PPM1H: variants seen among roughly 807,000 people sequenced by gnomAD.
PPM1H encodes the protein protein phosphatase 1H.
In PPM1H, 27 loss-of-function variants were observed where a neutral mutation model predicts 54.9. The ratio of observed to expected loss-of-function variants is 0.49; its 90% CI spans 0.36 to 0.68. The LOEUF is 0.68. Among genes scored for constraint, PPM1H ranks in the 30% least tolerant of loss-of-function variants. The probability of loss-of-function intolerance (pLI) is 0.00; values close to 1 mark genes in which losing one functional copy is unlikely to be tolerated. For synonymous variants in PPM1H, 305 were observed against 270.8 expected (o/e 1.13, Z -1.24); for missense variants, 596 against 667.8 (o/e 0.89, Z 1.19).
In PPM1H at chr12:62,722,665, A is replaced by T. The variant is rs556538118; in HGVS notation, c.955-2376T>A. 2.8e-4 allele frequency among the ~76,000 whole-genome samples: 43 copies of T among 152,362 alleles called. 1 individual carries two copies. Among genetic ancestry groups the T allele is most frequent in the African/African-American group, 9.9e-4 (41 of 41,578 alleles). ...ACAGAGCCACACACAGTATGGGCAC[A>T]AAAATGTCTCTGACATTATTTATAA... On this transcript the variant is annotated intron_variant, in intron 5 of 9. Coordinates refer to ENST00000228705, the MANE Select transcript of PPM1H (RefSeq NM_020700.2).
At chr12:62,892,568 C>T (rs772790304) in intron 1 of PPM1H, among the ~76,000 whole-genome samples, 2 of 152,170 alleles carry the variant, frequency 1.3e-5, no homozygotes, top group Non-Finnish European at 1.5e-5. Context: ...TAACTTTCTA[C>T]ACATATAAAC....
At chr12:62,855,498 G>A (rs10747970) in intron 1 of PPM1H, among the ~76,000 whole-genome samples, 39,912 of 152,034 alleles carry the variant, frequency 0.26, 5,606 homozygotes, top group East Asian at 0.48. Flanking sequence ...TGAACACTGC[G>A]GTGCCAAAAG....
chr12:62,648,860 T>C (rs1009523237), intron 9 of PPM1H, among the ~76,000 whole-genome samples: 3 of 152,260 alleles, frequency 2.0e-5, no homozygotes, highest in Non-Finnish European at 4.4e-5. Context: ...CATTAGATAA[T>C]GTCTTACATT....
intron 8 of PPM1H, among the ~76,000 whole-genome samples, chr12:62,676,880 T>A (rs943304360): frequency 6.6e-6 from 1 of 152,062 alleles, no homozygotes; most frequent in Non-Finnish European, 1.5e-5. Context: ...TAAAGCAGCA[T>A]CTTCAAGCCA....
intron 4 of PPM1H, among the ~76,000 whole-genome samples, chr12:62,768,023 G>A (rs1443210280): frequency 6.6e-6 from 1 of 152,166 alleles, no homozygotes; most frequent in Non-Finnish European, 1.5e-5. Context: ...TCCAAGTAAG[G>A]TCCCTTTCAC....
In PPM1H at chr12:62,648,348, G is replaced by A. The variant is rs1052490215; in HGVS notation, c.*141C>T. On this transcript the variant is annotated 3_prime_UTR_variant, in exon 10 of 10. Transcript: ENST00000228705. ...AACCAAAGGGTCATCTTGAAGCATAGTCTTTTGGCCATGAACTCCCCGCTT... is the reference window on the plus strand; with the variant it reads ...AACCAAAGGGTCATCTTGAAGCATAATCTTTTGGCCATGAACTCCCCGCTT... The A allele has an allele frequency of 9.6e-7, 1 of 1,043,678 alleles. No individual in the cohort carries two copies. The highest frequency in any genetic ancestry group is 1.4e-6 in the Non-Finnish European group (1 of 720,560). The allele number at this position is 1,043,678 out of a possible 1,614,324, so 64.7% of individuals were successfully genotyped here. A position where few individuals can be genotyped will look rare whatever the true frequency, so the allele number is the denominator to read the frequency against.
chr12:62,832,656 G>A (rs1868386384), intron 1 of PPM1H, among the ~76,000 whole-genome samples: 1 of 152,052 alleles, frequency 6.6e-6, no homozygotes, highest in African/African-American at 2.4e-5. Flanking sequence ...AGGGAATTCT[G>A]TTTCACTTCT....
rs774539494 is a variant in PPM1H at position 62,888,945 on chromosome 12, TC to T, written c.245+45546del. 1.4e-4 allele frequency among the ~76,000 whole-genome samples: 22 copies of T among 152,268 alleles called. 1 individual carries two copies. The South Asian group carries it at 2.3e-3, about 16-fold the overall frequency. On this transcript the variant is annotated intron_variant, in intron 1 of 9. Coordinates refer to ENST00000228705, the MANE Select transcript of PPM1H (RefSeq NM_020700.2). ...CATTCTTTAACACTAATGTGGAACTTCAAAAAGTTGCGTATGACATAAAGGA... is the reference window on the plus strand; with the variant it reads ...CATTCTTTAACACTAATGTGGAACTTAAAAAGTTGCGTATGACATAAAGGA...
chr12:62,900,550 T>TA (rs1334835318), intron 1 of PPM1H, among the ~76,000 whole-genome samples: 1 of 131,116 alleles, frequency 7.6e-6, no homozygotes, highest in Non-Finnish European at 1.6e-5. Flanking sequence ...ATAATAATAA[T>TA]AATAAAGAAA....
chr12:62,671,701 G>A (rs1379999505), intron 8 of PPM1H, among the ~76,000 whole-genome samples: 2 of 152,170 alleles, frequency 1.3e-5, no homozygotes, highest in African/African-American at 4.8e-5. Flanking sequence ...CCATCTGAGC[G>A]AGTCAATTTC....
At chr12:62,819,130 CT>C (rs34661742) in intron 2 of PPM1H, among the ~76,000 whole-genome samples, 6,510 of 113,758 alleles carry the variant, frequency 0.057, 179 homozygotes, top group African/African-American at 0.11. Flanking sequence ...CAAAACATTG[CT>C]TTTTTTTTTT....
intron 2 of PPM1H, among the ~76,000 whole-genome samples, chr12:62,802,364 G>C (rs564499120): frequency 6.6e-6 from 1 of 152,102 alleles, no homozygotes; most frequent in African/African-American, 2.4e-5. Context: ...GTCCCCAAAT[G>C]AGCCATTGTT....
At chr12:62,755,397 C>T (rs2076466413) in intron 4 of PPM1H, 1 of 744,858 alleles carries the variant, frequency 1.3e-6, no homozygotes, top group South Asian at 1.3e-5. Flanking sequence ...AATTCCATGG[C>T]ACTGCCAAGG....
chr12:62,907,944 TCAG>T (rs1871348312), intron 1 of PPM1H, among the ~76,000 whole-genome samples: 1 of 152,224 alleles, frequency 6.6e-6, no homozygotes, highest in African/African-American at 2.4e-5. Context: ...TCTGAAGCTA[TCAG>T]GGCAACATCA....
chr12:62,835,259 G>A (rs1868468367), intron 1 of PPM1H, among the ~76,000 whole-genome samples: 1 of 152,150 alleles, frequency 6.6e-6, no homozygotes, highest in Admixed American at 6.5e-5. Flanking sequence ...TCCCTGAGTG[G>A]TTATTAAACT....
chr12:62,838,327 G>A (rs1868569712), intron 1 of PPM1H, among the ~76,000 whole-genome samples: 1 of 117,538 alleles, frequency 8.5e-6, no homozygotes, highest in South Asian at 3.0e-4. Context: ...AAAATACAGT[G>A]TGTGTGTGTG....
At chr12:62,750,961 C>A (rs1340737445) in intron 4 of PPM1H, among the ~76,000 whole-genome samples, 1 of 152,214 alleles carries the variant, frequency 6.6e-6, no homozygotes, top group Non-Finnish European at 1.5e-5. Context: ...ATTCACAATA[C>A]CGTACGGTTC....
At chr12:62,850,431 C>G (rs1209344762) in intron 1 of PPM1H, among the ~76,000 whole-genome samples, 1 of 151,118 alleles carries the variant, frequency 6.6e-6, no homozygotes, top group Non-Finnish European at 1.5e-5. Flanking sequence ...GAAAGCACAC[C>G]CAATAATTAA....
chr12:62,786,940 T>C (rs1473532963), intron 4 of PPM1H, among the ~76,000 whole-genome samples: 1 of 152,234 alleles, frequency 6.6e-6, no homozygotes, highest in Non-Finnish European at 1.5e-5. Flanking sequence ...AAAATGTATA[T>C]ATATACGTTT....
Sources: gnomAD v4.1 joint callset for allele counts (sites outside exome capture counted in the v4.1 genomes callset) on GRCh38, gnomAD v4.1.1 for gene constraint, MANE v1.5 for transcripts, NCBI Gene and HGNC (gene_info 2026-07-23, HGNC 2026-07-21) for gene names.